The following CFAP418 variants were observed in gnomAD, a reference collection of about 807,000 sequenced individuals.
CFAP418 encodes cilia and flagella associated protein 418.
In CFAP418, 27 loss-of-function variants were observed where a neutral mutation model predicts 24.7. The ratio of observed to expected loss-of-function variants is 1.09; its 90% CI spans 0.81 to 1.51. The LOEUF (loss-of-function observed/expected upper bound fraction) is 1.51, where lower values mean the gene tolerates loss of function less well. Among genes scored for constraint, CFAP418 ranks in the 40% most tolerant of loss-of-function variants. CFAP418 has a pLI of 0.00. For synonymous variants in CFAP418, 74 were observed against 87.3 expected (o/e 0.85, Z 0.85); for missense variants, 257 against 255.2 (o/e 1.01, Z -0.05).
intron 5 of CFAP418, among the ~76,000 whole-genome samples, chr8:95,251,297 T>A (rs560202406): frequency 2.3e-4 from 35 of 152,156 alleles, no homozygotes; most frequent in Admixed American, 1.5e-3. Context: ...AGACATGTGA[T>A]GAATTATACT....
At chr8:95,248,762 A>T (rs1029890075) in intron 5 of CFAP418, among the ~76,000 whole-genome samples, 3 of 152,214 alleles carry the variant, frequency 2.0e-5, no homozygotes, top group Non-Finnish European at 4.4e-5. Context: ...TTTTTAAAAA[A>T]GATGAAAAAA....
At chr8:95,262,854 C>T (rs1007044379) in intron 2 of CFAP418, among the ~76,000 whole-genome samples, 3 of 151,672 alleles carry the variant, frequency 2.0e-5, no homozygotes, top group South Asian at 4.2e-4. Context: ...GCCTTTTCTC[C>T]GATTAAAAAA....
chr8:95,265,129 G>A (rs1811955912), intron 1 of CFAP418, among the ~76,000 whole-genome samples: 1 of 152,102 alleles, frequency 6.6e-6, no homozygotes, highest in Non-Finnish European at 1.5e-5. Context: ...TCTGGGGTGT[G>A]TATGTGGGGG....
At position 95,252,171 on chromosome 8, in the gene CFAP418, G is replaced by T; in HGVS notation, c.470+17C>A. 6.3e-7 allele frequency: 1 copy of T among 1,577,414 alleles called. No individual in the cohort carries two copies. The highest frequency in any genetic ancestry group is 8.7e-7 in the Non-Finnish European group (1 of 1,150,966). On this transcript the variant is annotated intron_variant, in intron 5 of 5. Transcript: ENST00000286688. ...TACTTGGTACTTTTTTCAGAGTGAAGTTCTTTAGCAACATACCTGAAAAAC... is the reference window on the plus strand; with the variant it reads ...TACTTGGTACTTTTTTCAGAGTGAATTTCTTTAGCAACATACCTGAAAAAC...
intron 2 of CFAP418, among the ~76,000 whole-genome samples, chr8:95,260,954 A>T (rs1811878377): frequency 6.6e-6 from 1 of 152,236 alleles, no homozygotes; most frequent in South Asian, 2.1e-4. Flanking sequence ...TATGAATTAA[A>T]ATTAACCAAG....
intron 5 of CFAP418, 69 bp downstream of exon 5, chr8:95,252,119 G>A (rs1811718424): frequency 1.0e-5 from 12 of 1,194,412 alleles, no homozygotes; most frequent in Non-Finnish European, 1.4e-5. Flanking sequence ...CACCCAGAGA[G>A]AATATATCAA....
chr8:95,258,238 C>T (rs963272846), intron 4 of CFAP418, among the ~76,000 whole-genome samples: 4 of 151,510 alleles, frequency 2.6e-5, no homozygotes, highest in African/African-American at 4.8e-5. Flanking sequence ...AAAAATTAGC[C>T]GGGCGTGGTG....
At chr8:95,247,826 T>TAAA (rs35181539) in intron 5 of CFAP418, 56 bp from the exon 6 acceptor site, 15,849 of 1,108,332 alleles carry the variant, frequency 0.014, 54 homozygotes, top group African/African-American at 0.022. Context: ...GCTTAATGAT[T>TAAA]AAAAAAAAAA....
At chr8:95,252,117 G>T in intron 5 of CFAP418, 71 bp downstream of exon 5, 2 of 1,174,986 alleles carry the variant, frequency 1.7e-6, no homozygotes, top group Non-Finnish European at 2.5e-6. Flanking sequence ...TCCACCCAGA[G>T]AGAATATATC....
At position 95,263,704 on chromosome 8, in the gene CFAP418, A is replaced by G. The variant is rs1811929946; in HGVS notation, c.226T>C (p.Leu76=). 1 of 1,604,254 alleles carries G rather than the reference A, an allele frequency of 6.2e-7. No individual in the cohort carries two copies. Among genetic ancestry groups the G allele is most frequent in the African/African-American group, 1.3e-5 (1 of 74,684 alleles). The change falls in exon 2 of 6, where the codon TTG becomes CTG. Residue 76 remains leucine (L), a synonymous_variant. Coordinates refer to ENST00000286688, the MANE Select transcript of CFAP418 (RefSeq NM_177965.4). ...LINEILEEPN[L]DKKPSKLKSK... is the part of the protein sequence containing the mutation. ...TGACTTACAGAGGGTTTTTTGTCCAAGTTGGGCTCTTCAAGTATTTCATTA... is the reference window on the plus strand; with the variant it reads ...TGACTTACAGAGGGTTTTTTGTCCAGGTTGGGCTCTTCAAGTATTTCATTA...
intron 1 of CFAP418, among the ~76,000 whole-genome samples, chr8:95,266,882 G>C (rs999298024): frequency 6.6e-6 from 1 of 152,200 alleles, no homozygotes; most frequent in Non-Finnish European, 1.5e-5. Context: ...CCCATGGTTG[G>C]AGAAGATCCA....
At chr8:95,259,984 T>G in intron 3 of CFAP418, 79 bp from the exon 4 acceptor site, 4 of 1,296,412 alleles carry the variant, frequency 3.1e-6, no homozygotes, top group Non-Finnish European at 4.3e-6. Context: ...GTTAAAAAAA[T>G]TTTTGGTTTT....
chr8:95,267,523 G>C (rs62524390), intron 1 of CFAP418, among the ~76,000 whole-genome samples: 2 of 152,146 alleles, frequency 1.3e-5, no homozygotes, highest in Non-Finnish European at 2.9e-5. Context: ...ATGGGAGGCG[G>C]AGCTTGCAGT....
At chr8:95,262,297 T>G (rs982125343) in intron 2 of CFAP418, among the ~76,000 whole-genome samples, 8 of 152,208 alleles carry the variant, frequency 5.3e-5, no homozygotes, top group African/African-American at 1.9e-4. Context: ...TGGCATGTGC[T>G]TATTAATTTA....
At chr8:95,267,289 G>A (rs548491531) in intron 1 of CFAP418, among the ~76,000 whole-genome samples, 10 of 152,168 alleles carry the variant, frequency 6.6e-5, no homozygotes, top group Non-Finnish European at 1.2e-4. Flanking sequence ...TTTTATCTTC[G>A]CAGAGTGAAT....
intron 3 of CFAP418, 91 bp downstream of exon 3, chr8:95,260,377 C>T (rs755758302): frequency 7.6e-6 from 7 of 926,320 alleles, no homozygotes; most frequent in Non-Finnish European, 1.2e-5. Flanking sequence ...TTCAATGTCA[C>T]TGCTGTTTAA....
In CFAP418 at chr8:95,252,290, A is replaced by T; in HGVS notation, c.375-7T>A. 1 of 1,596,268 alleles carries T rather than the reference A, an allele frequency of 6.3e-7. No homozygotes were observed. The highest frequency in any genetic ancestry group is 8.5e-7 in the Non-Finnish European group (1 of 1,169,796). ...ACGCAGATGGTCACATGCTCTGTTC[A>T]GAGAAAAAAAATTGTATATTAAAGA... is the stretch of plus-strand genomic sequence containing the variant. On this transcript the variant is annotated splice_region_variant and splice_polypyrimidine_tract_variant and intron_variant, in intron 4 of 5. Transcript: ENST00000286688.
At chr8:95,257,949 C>T (rs543391369) in intron 4 of CFAP418, among the ~76,000 whole-genome samples, 1 of 152,094 alleles carries the variant, frequency 6.6e-6, no homozygotes, top group Non-Finnish European at 1.5e-5. Flanking sequence ...CAGCCCCATG[C>T]GTGTTGTACC....
chr8:95,248,535 A>C (rs1811661362), intron 5 of CFAP418, among the ~76,000 whole-genome samples: 1 of 152,240 alleles, frequency 6.6e-6, no homozygotes, highest in Non-Finnish European at 1.5e-5. Flanking sequence ...TATTCATACT[A>C]TCAGCAACAA....
Sources: gnomAD v4.1 joint callset for allele counts (sites outside exome capture counted in the v4.1 genomes callset) on GRCh38, gnomAD v4.1.1 for gene constraint, MANE v1.5 for transcripts, NCBI Gene and HGNC (gene_info 2026-07-23, HGNC 2026-07-21) for gene names.